Variants in CCR10 observed in about 807,000 individuals in gnomAD.
CCR10 encodes the protein C-C motif chemokine receptor 10.
CCR10 carries 11 observed loss-of-function variants against 11.9 expected under a neutral mutation model. The ratio of observed to expected loss-of-function variants is 0.92; its 90% CI spans 0.58 to 1.53. CCR10 has a LOEUF of 1.53. Among genes scored for constraint, CCR10 ranks in the 40% most tolerant of loss-of-function variants. CCR10 has a pLI of 0.00. For synonymous variants in CCR10, 224 were observed against 245.4 expected, an observed-to-expected ratio of 0.91 and a Z score of 0.81; for missense variants, 428 against 496.6, an observed-to-expected ratio of 0.86 and a Z score of 1.31.
At chr17:42,681,502 C>T (rs1370576295) in intron 1 of CCR10, 4 of 523,850 alleles carry the variant, frequency 7.6e-6, no homozygotes, top group Non-Finnish European at 1.0e-5. Context: ...AATACCAGCA[C>T]ACTGAACCAC....
At position 42,678,900 on chromosome 17, in the gene CCR10, A is replaced by AT. The variant is rs1329562516; in HGVS notation, c.*652dup. 2 of 152,124 alleles carry AT rather than the reference A, an allele frequency of 1.3e-5. No homozygotes were observed. Among genetic ancestry groups the AT allele is most frequent in the South Asian group, 2.1e-4 (1 of 4,810 alleles). 9.4% of individuals were successfully genotyped at this position (152,124 alleles called of 1,614,324 possible). ...AACTTCAACTCAAATTTTACAATTC[A>AT]TTTTTTCATTTTTTCTTTCCATCAC... On this transcript the variant is annotated 3_prime_UTR_variant, in exon 2 of 2. Transcript: ENST00000332438.
Position 42,681,804 on chromosome 17 carries a change from T to C in CCR10, c.20A>G (p.Glu7Gly), listed in dbSNP as rs1346514118. The C allele has an allele frequency of 4.3e-6, 7 of 1,611,870 alleles. 1 individual carries two copies. In the South Asian group the frequency reaches 7.7e-5, roughly 18 times the overall value. The change falls in exon 1 of 2, where the codon GAG becomes GGG. Residue 7 changes from glutamate (E) to glycine (G), a missense_variant. By Grantham distance (98) the Glu-to-Gly change is moderately conservative. Coordinates refer to ENST00000332438, the MANE Select transcript of CCR10 (RefSeq NM_016602.3). MGTEAT[E>G]QVSWGHYSGD... Reference sequence around the variant, plus strand: ...CCTCCCTGCCCCCACTCCCACCTGCTCTGTGGCCTCCGTCCCCATCTCTGG... The same window carrying C: ...CCTCCCTGCCCCCACTCCCACCTGCCCTGTGGCCTCCGTCCCCATCTCTGG...
rs577086242 is a variant in CCR10, at chr17:42,680,423, C to T, written c.219G>A (p.Ala73=). ...LATHLAARRA[A]RSPTSAHLLQ... Reference sequence around the variant, plus strand: ...GCAGGTGGGCAGAGGTGGGCGAGCGCGCTGCGCGTCGGGCTGCCAGGTGGG... The same window carrying T: ...GCAGGTGGGCAGAGGTGGGCGAGCGTGCTGCGCGTCGGGCTGCCAGGTGGG... The change falls in exon 2 of 2, where the codon GCG becomes GCA. Residue 73 remains alanine (A), a synonymous_variant. Transcript: ENST00000332438. The T allele has an allele frequency of 1.3e-6, 2 of 1,573,578 alleles. No individual in the cohort carries two copies. The highest frequency in any genetic ancestry group is 1.7e-6 in the Non-Finnish European group (2 of 1,159,764).
Position 42,680,182 on chromosome 17 carries a change from T to TGAC in CCR10, c.459_460insGTC (p.Ser153_Thr154insVal). The TGAC allele has an allele frequency of 6.2e-7, 1 of 1,609,140 alleles. No individual in the cohort carries two copies. Among genetic ancestry groups the TGAC allele is most frequent in the Non-Finnish European group, 8.5e-7 (1 of 1,178,598 alleles). On this transcript the variant is annotated inframe_insertion, in exon 2 of 2. Transcript: ENST00000332438. ...GAGACCAAGTGTGCGCGGCCGGGAG[T>TGAC]GGAGGGCCGCGGCCCGGCTGGGAGC...
At chr17:42,680,915 C>A (rs1446240319) in intron 1 of CCR10, among the ~76,000 whole-genome samples, 2 of 152,164 alleles carry the variant, frequency 1.3e-5, no homozygotes, top group Non-Finnish European at 2.9e-5. Flanking sequence ...ACCAGCCCAC[C>A]TCTCAAGGTT....
chr17:42,679,894 C>A lies in CCR10; in HGVS notation c.748G>T (p.Val250Leu). The A allele has an allele frequency of 6.3e-7, 1 of 1,578,248 alleles. No homozygotes were observed. The highest frequency in any genetic ancestry group is 8.6e-7 in the Non-Finnish European group (1 of 1,168,166). Residue 250 changes from valine to leucine, a missense_variant, in exon 2 of 2, where the codon GTG (valine) becomes TTG (leucine). Coordinates refer to ENST00000332438, the MANE Select transcript of CCR10 (RefSeq NM_016602.3). Reference protein sequence around the residue: ...PERRRALRVVVALVAAFVVLQ... With the variant: ...PERRRALRVVLALVAAFVVLQ... ...ACCACGAAGGCCGCCACCAGAGCCA[C>A]CACGACGCGCAGCGCACGCCGGCGC...
chr17:42,679,724 A>C lies in CCR10; in HGVS notation c.918T>G (p.Asn306Lys). Residue 306 changes from asparagine (N) to lysine (K), a missense_variant, in exon 2 of 2, where the codon AAT becomes AAG. Physicochemically the swap from Asn to Lys is moderately conservative, Grantham distance 94. Transcript: ENST00000332438. ...SGLALARCGL[N>K]PVLYAFLGLR... ...GGCCCAGGAAGGCGTAGAGAACGGG[A>C]TTGAGGCCACAGCGGGCGAGGGCCA... 6.3e-7 allele frequency: 1 copy of C among 1,580,480 alleles called. No homozygotes were observed. Among genetic ancestry groups the C allele is most frequent in the Non-Finnish European group, 8.6e-7 (1 of 1,164,538 alleles).
At chr17:42,681,501 A>G (rs2052932594) in intron 1 of CCR10, 1 of 521,308 alleles carries the variant, frequency 1.9e-6, no homozygotes, top group Non-Finnish European at 3.4e-6. Context: ...CAATACCAGC[A>G]CACTGAACCA....
At chr17:42,681,590 C>T (rs1388893802) in intron 1 of CCR10, among the ~76,000 whole-genome samples, 2 of 152,166 alleles carry the variant, frequency 1.3e-5, no homozygotes, top group East Asian at 3.8e-4. Context: ...AGGTTCAACC[C>T]GCCTTTCCCC....
rs2143636181 is a variant in CCR10, at chr17:42,680,441, C to T, written c.201G>A (p.Leu67=). ...GCGAGCGCGCTGCGCGTCGGGCTGCCAGGTGGGTGGCCAGGACCAGGCCAT... is the reference window on the plus strand; with the variant it reads ...GCGAGCGCGCTGCGCGTCGGGCTGCTAGGTGGGTGGCCAGGACCAGGCCAT... ...AGNGLVLATH[L]AARRAARSPT... Residue 67 remains leucine (L), a synonymous_variant, in exon 2 of 2, where the codon CTG becomes CTA. Coordinates refer to ENST00000332438, the MANE Select transcript of CCR10 (RefSeq NM_016602.3). 6.3e-7 allele frequency: 1 copy of T among 1,592,342 alleles called. No homozygotes were observed. Among genetic ancestry groups the T allele is most frequent in the Non-Finnish European group, 8.6e-7 (1 of 1,169,576 alleles).
chr17:42,681,593 C>G lies in CCR10; in HGVS notation c.24+207G>C, dbSNP rs1046332734. Among the ~76,000 whole-genome samples, 13 of 152,326 alleles carry G rather than the reference C, an allele frequency of 8.5e-5. No homozygotes were observed. The South Asian group carries it at 1.2e-3, about 15-fold the overall frequency. On this transcript the variant is annotated intron_variant, in intron 1 of 1. Coordinates refer to ENST00000332438, the MANE Select transcript of CCR10 (RefSeq NM_016602.3). ...CCCTGGACCTCTAGGTTCAACCCGC[C>G]TTTCCCCTCAGCCCTAGTCCCTGTC...
Position 42,679,601 on chromosome 17 carries a change from A to G in CCR10, c.1041T>C (p.Ser347=). Residue 347 remains serine, a synonymous_variant, in exon 2 of 2, where the codon TCT becomes TCC. Coordinates refer to ENST00000332438, the MANE Select transcript of CCR10 (RefSeq NM_016602.3). ...RRGCPRRPRL[S]SCSAPTETHS... is the part of the protein sequence containing the mutation. ...GGGTCTCCGTGGGAGCTGAGCAGGAAGAAAGGCGGGGCCGGCGGGGGCAGC... is the reference window on the plus strand; with the variant it reads ...GGGTCTCCGTGGGAGCTGAGCAGGAGGAAAGGCGGGGCCGGCGGGGGCAGC... 1.3e-6 allele frequency: 2 copies of G among 1,487,136 alleles called. No individual in the cohort carries two copies. The highest frequency in any genetic ancestry group is 1.8e-6 in the Non-Finnish European group (2 of 1,123,756). The allele number at this position is 1,487,136 out of a possible 1,614,324, so 92.1% of individuals were successfully genotyped here. A position where few individuals can be genotyped will look rare whatever the true frequency, so the allele number is the denominator to read the frequency against.
Position 42,679,566 on chromosome 17 carries a change from G to A in CCR10, c.1076C>T (p.Ser359Phe), listed in dbSNP as rs1459838889. The part of the protein sequence containing the change: ...CSAPTETHSL[S>F]WDN ...AGATTCGCAGCCCTAGTTGTCCCAGGAGAGACTGTGGGTCTCCGTGGGAGC... is the reference window on the plus strand; with the variant it reads ...AGATTCGCAGCCCTAGTTGTCCCAGAAGAGACTGTGGGTCTCCGTGGGAGC... The change falls in exon 2 of 2, where the codon TCC (serine) becomes TTC (phenylalanine). Residue 359 changes from serine (S) to phenylalanine (F), a missense_variant. Coordinates refer to ENST00000332438, the MANE Select transcript of CCR10 (RefSeq NM_016602.3). 6.8e-7 allele frequency: 1 copy of A among 1,475,052 alleles called. No individual in the cohort carries two copies. The highest frequency in any genetic ancestry group is 9.0e-7 in the Non-Finnish European group (1 of 1,116,734). The allele number at this position is 1,475,052 out of a possible 1,614,324, so 91.4% of individuals were successfully genotyped here.
rs548227600 is a variant in CCR10, at chr17:42,681,787, C to T, written c.24+13G>A. The T allele has an allele frequency of 1.3e-6, 2 of 1,599,672 alleles. No homozygotes were observed. Among genetic ancestry groups the T allele is most frequent in the Non-Finnish European group, 1.7e-6 (2 of 1,167,030 alleles). On this transcript the variant is annotated intron_variant, in intron 1 of 1. Coordinates refer to ENST00000332438, the MANE Select transcript of CCR10 (RefSeq NM_016602.3). ...TCTGTAACCCTTCTCCCCCTCCCTG[C>T]CCCCACTCCCACCTGCTCTGTGGCC...
Position 42,679,819 on chromosome 17 carries a change from G to T in CCR10, c.823C>A (p.Leu275Met). The part of the protein sequence containing the change: ...LALLLDTADL[L>M]AARERSCPAS... ...GGGCAGCTCCGCTCGCGCGCAGCCA[G>T]TAGATCGGCAGTATCCAGCAGCAGG... The change falls in exon 2 of 2, where the codon CTG (leucine) becomes ATG (methionine). Residue 275 changes from leucine (L) to methionine (M), a missense_variant. Transcript: ENST00000332438. 6.2e-7 allele frequency: 1 copy of T among 1,607,042 alleles called. No individual in the cohort carries two copies. Among genetic ancestry groups the T allele is most frequent in the South Asian group, 1.1e-5 (1 of 90,440 alleles).
chr17:42,679,754 G>A lies in CCR10; in HGVS notation c.888C>T (p.Ser296=), dbSNP rs758868599. ...KRKDVALLVT[S]GLALARCGLN... is the part of the protein sequence containing the mutation. Reference sequence around the variant, plus strand: ...GGCCACAGCGGGCGAGGGCCAAGCCGCTGGTCACCAGCAGTGCGACATCCT... The same window carrying A: ...GGCCACAGCGGGCGAGGGCCAAGCCACTGGTCACCAGCAGTGCGACATCCT... Residue 296 remains serine (S), a synonymous_variant, in exon 2 of 2, where the codon AGC becomes AGT. Transcript: ENST00000332438. The A allele has an allele frequency of 4.4e-6, 7 of 1,598,074 alleles. No individual in the cohort carries two copies. Among genetic ancestry groups the A allele is most frequent in the Non-Finnish European group, 2.6e-6 (3 of 1,173,658 alleles).
intron 1 of CCR10, 38 bp downstream of exon 1, chr17:42,681,762 T>C: frequency 6.9e-7 from 1 of 1,444,216 alleles, no homozygotes; most frequent in Non-Finnish European, 9.8e-7. Context: ...CTCCTCCCTC[T>C]CTGTAACCCT....
intron 1 of CCR10, 143 bp downstream of exon 1, chr17:42,681,657 G>A: frequency 1.4e-6 from 1 of 724,504 alleles, no homozygotes; most frequent in Admixed American, 2.0e-5. Flanking sequence ...CATTTATCTG[G>A]AGGACCCCTA....
chr17:42,679,431 T>C lies in CCR10; in HGVS notation c.*122A>G. 1.7e-6 allele frequency: 1 copy of C among 595,344 alleles called. No individual in the cohort carries two copies. The highest frequency in any genetic ancestry group is 3.1e-5 in the East Asian group (1 of 32,616). The allele number at this position is 595,344 out of a possible 1,614,324, so 36.9% of individuals were successfully genotyped here. A position where few individuals can be genotyped will look rare whatever the true frequency, so the allele number is the denominator to read the frequency against. On this transcript the variant is annotated 3_prime_UTR_variant, in exon 2 of 2. Coordinates refer to ENST00000332438, the MANE Select transcript of CCR10 (RefSeq NM_016602.3). ...TGGGTTGCATCTCATTTCCATGTTA[T>C]CAATTTAATGTGGCAAGGCACAGAG... is the stretch of plus-strand genomic sequence containing the variant.
Sources: gnomAD v4.1 joint callset for allele counts (sites outside exome capture counted in the v4.1 genomes callset) on GRCh38, gnomAD v4.1.1 for gene constraint, MANE v1.5 for transcripts, NCBI Gene and HGNC (gene_info 2026-07-23, HGNC 2026-07-21) for gene names.